The following GYS2 variants were observed in gnomAD, a reference collection of about 807,000 sequenced individuals.
The protein encoded by GYS2 is glycogen [starch] synthase, liver.
Under a neutral mutation model 85.6 loss-of-function variants are expected in GYS2, and 80 were observed. The ratio of observed to expected loss-of-function variants is 0.93; its 90% CI spans 0.78 to 1.13. The LOEUF (loss-of-function observed/expected upper bound fraction) is 1.13, where lower values mean the gene tolerates loss of function less well. Ranked by LOEUF, GYS2 falls within the 50% of genes most tolerant of loss-of-function variation. The pLI is 0.00. For missense variants in GYS2, 881 were observed against 854.9 expected (o/e 1.03, Z -0.38); for synonymous variants, 328 against 300.7 (o/e 1.09, Z -0.94).
intron 1 of GYS2, among the ~76,000 whole-genome samples, chr12:21,585,095 C>T (rs1393156432): frequency 6.6e-6 from 1 of 152,084 alleles, no homozygotes; most frequent in Non-Finnish European, 1.5e-5. Flanking sequence ...ACAGGATTCA[C>T]GGGTCCAGGA....
At chr12:21,558,019 A>G (rs540495928) in intron 11 of GYS2, among the ~76,000 whole-genome samples, 181 bp downstream of exon 11, 1 of 152,356 alleles carries the variant, frequency 6.6e-6, no homozygotes, top group East Asian at 1.9e-4. Context: ...TCAATTTTCA[A>G]GAATTATACC....
chr12:21,584,322 A>G (rs1254216993), intron 1 of GYS2, among the ~76,000 whole-genome samples: 3 of 130,998 alleles, frequency 2.3e-5, no homozygotes, highest in African/African-American at 8.1e-5. Flanking sequence ...AGGTATGTGG[A>G]TGGACCTCTA....
chr12:21,576,553 C>A (rs1944449184), intron 2 of GYS2, among the ~76,000 whole-genome samples: 1 of 151,766 alleles, frequency 6.6e-6, no homozygotes, highest in Non-Finnish European at 1.5e-5. Flanking sequence ...CTATTCCTAT[C>A]AAAAGAAGTG....
chr12:21,554,412 C>G (rs1306055307), intron 11 of GYS2, among the ~76,000 whole-genome samples: 2 of 152,194 alleles, frequency 1.3e-5, no homozygotes, highest in Non-Finnish European at 2.9e-5. Context: ...TCGACCCCTT[C>G]ATCCTTCACA....
At chr12:21,585,249 C>T (rs1051092232) in intron 1 of GYS2, among the ~76,000 whole-genome samples, 2 of 152,156 alleles carry the variant, frequency 1.3e-5, no homozygotes, top group Non-Finnish European at 2.9e-5. Context: ...AACACTGCCG[C>T]CAGGTGACAC....
chr12:21,580,893 C>T (rs953245534), intron 1 of GYS2, among the ~76,000 whole-genome samples: 5 of 152,206 alleles, frequency 3.3e-5, no homozygotes, highest in Admixed American at 6.5e-5. Flanking sequence ...CCATTGTCAT[C>T]ATACATGCCC....
At chr12:21,573,527 T>C (rs147377120) in intron 4 of GYS2, among the ~76,000 whole-genome samples, 4 of 152,300 alleles carry the variant, frequency 2.6e-5, no homozygotes, top group Non-Finnish European at 5.9e-5. Context: ...TGGCAGGTCA[T>C]AGACTCAGGT....
At chr12:21,537,422 C>A (rs1943922889) in intron 15 of GYS2, 2 of 509,038 alleles carry the variant, frequency 3.9e-6, no homozygotes, top group Non-Finnish European at 7.0e-6. Flanking sequence ...ATCATCTTAT[C>A]TTTTAACAAC....
chr12:21,577,566 A>G (rs982616378), intron 2 of GYS2, among the ~76,000 whole-genome samples: 4 of 152,220 alleles, frequency 2.6e-5, no homozygotes, highest in Admixed American at 2.0e-4. Flanking sequence ...TGATAGTACA[A>G]TAGGCATTGT....
At position 21,546,448 on chromosome 12, in the gene GYS2, A is replaced by G; in HGVS notation, c.1445T>C (p.Leu482Pro). Residue 482 changes from leucine (L) to proline (P), a missense_variant, in exon 12 of 16, where the codon CTA becomes CCA. Transcript: ENST00000261195. Reference sequence around the variant, plus strand: ...GGGTAGTAAGGGACTGGTGGAGGATAGAAACTCTGGGTGCAAAATCACCTA... The same window carrying G: ...GGGTAGTAAGGGACTGGTGGAGGATGGAAACTCTGGGTGCAAAATCACCTA... ...RVKVILHPEF[L>P]SSTSPLLPMD... 6.2e-7 allele frequency: 1 copy of G among 1,601,082 alleles called. No individual in the cohort carries two copies. Among genetic ancestry groups the G allele is most frequent in the Non-Finnish European group, 8.5e-7 (1 of 1,169,778 alleles).
intron 1 of GYS2, among the ~76,000 whole-genome samples, chr12:21,591,489 T>C (rs1408971165): frequency 1.3e-5 from 2 of 152,018 alleles, no homozygotes; most frequent in Non-Finnish European, 2.9e-5. Context: ...ATGTGACATA[T>C]GAGGCACTAT....
intron 4 of GYS2, among the ~76,000 whole-genome samples, chr12:21,571,796 A>G (rs1263302956): frequency 6.6e-6 from 1 of 152,092 alleles, no homozygotes; most frequent in Admixed American, 6.6e-5. Flanking sequence ...ACTCGTCTCT[A>G]CTAAAAATAC....
chr12:21,548,759 C>A (rs1389799356), intron 11 of GYS2, among the ~76,000 whole-genome samples: 1 of 152,104 alleles, frequency 6.6e-6, no homozygotes, highest in African/African-American at 2.4e-5. Context: ...ATATACAGTA[C>A]TCCATATTGT....
Position 21,558,853 on chromosome 12 carries a change from A to G in GYS2, c.1308+238T>C, listed in dbSNP as rs987371848. Among the ~76,000 whole-genome samples the G allele has an allele frequency of 2.6e-5, 4 of 152,264 alleles. No individual in the cohort carries two copies. In the South Asian group the frequency reaches 8.3e-4, roughly 32 times the overall value. On this transcript the variant is annotated intron_variant, in intron 10 of 15. Coordinates refer to ENST00000261195, the MANE Select transcript of GYS2 (RefSeq NM_021957.4). ...CATAATTTTTATATTGAATATATTA[A>G]TTCAAAAATAATTTTGTAAGCAAGT...
chr12:21,546,198 G>C, intron 12 of GYS2, 146 bp downstream of exon 12: 2 of 546,684 alleles, frequency 3.7e-6, no homozygotes, highest in African/African-American at 1.9e-5. Flanking sequence ...ATTAATCCCT[G>C]TGATAAATCC....
At position 21,580,426 on chromosome 12, in the gene GYS2, A is replaced by G; in HGVS notation, c.219T>C (p.Asn73=). The part of the protein sequence containing the change: ...YFLIGPYFEH[N]MKTQVEQCEP... ...CACACTGTTCCACCTGAGTCTTCAT[A>G]TTATGCTCAAAATATGGACCTATCA... is the stretch of plus-strand genomic sequence containing the variant. The change falls in exon 2 of 16, where the codon AAT becomes AAC. Residue 73 remains asparagine, a synonymous_variant. Coordinates refer to ENST00000261195, the MANE Select transcript of GYS2 (RefSeq NM_021957.4). 1 of 1,613,578 alleles carries G rather than the reference A, an allele frequency of 6.2e-7. No homozygotes were observed. Among genetic ancestry groups the G allele is most frequent in the Middle Eastern group, 1.7e-4 (1 of 6,060 alleles).
At chr12:21,563,061 A>G (rs1944274969) in intron 6 of GYS2, 23 bp from the exon 7 acceptor site, 2 of 1,558,126 alleles carry the variant, frequency 1.3e-6, no homozygotes. Context: ...AAAACCAAAC[A>G]GTTTCAAATG....
intron 1 of GYS2, among the ~76,000 whole-genome samples, chr12:21,588,418 C>A (rs149316228): frequency 6.6e-6 from 1 of 152,038 alleles, no homozygotes; most frequent in Non-Finnish European, 1.5e-5. Context: ...CTTTGAAAGG[C>A]GAGACACAAA....
At chr12:21,559,753 T>A (rs1944229290) in intron 8 of GYS2, 43 bp from the exon 9 acceptor site, 1 of 1,189,278 alleles carries the variant, frequency 8.4e-7, no homozygotes, top group East Asian at 2.3e-5. Flanking sequence ...AGTATGACAA[T>A]GTTTAATCTT....
Sources: gnomAD v4.1 joint callset for allele counts (sites outside exome capture counted in the v4.1 genomes callset) on GRCh38, gnomAD v4.1.1 for gene constraint, MANE v1.5 for transcripts, NCBI Gene and HGNC (gene_info 2026-07-23, HGNC 2026-07-21) for gene names.